The following GPLD1 variants were observed in gnomAD, a reference collection of about 807,000 sequenced individuals.
GPLD1 encodes glycosylphosphatidylinositol specific phospholipase D1, also known as phosphatidylinositol-glycan-specific phospholipase D.
GPLD1 carries 84 observed loss-of-function variants against 112.6 expected under a neutral mutation model. The ratio of observed to expected loss-of-function variants is 0.75; its 90% confidence interval spans 0.63 to 0.89. The LOEUF (loss-of-function observed/expected upper bound fraction) is 0.89, where lower values mean the gene tolerates loss of function less well. Among genes scored for constraint, GPLD1 ranks in the 40% least tolerant of loss-of-function variants. The probability of loss-of-function intolerance (pLI) is 0.00; values close to 1 mark genes in which losing one functional copy is unlikely to be tolerated. For missense variants in GPLD1, 1,044 were observed against 1,051.5 expected, an observed-to-expected ratio of 0.99 and a Z score of 0.10; for synonymous variants, 386 against 403.8, an observed-to-expected ratio of 0.96 and a Z score of 0.53.
At chr6:24,439,342 G>T (rs192668661) in intron 20 of GPLD1, among the ~76,000 whole-genome samples, 1 of 152,312 alleles carries the variant, frequency 6.6e-6, no homozygotes, top group Admixed American at 6.5e-5. Flanking sequence ...GCTGCCCATT[G>T]AGACTGTGTT....
At chr6:24,463,327 G>C (rs1383905614) in intron 10 of GPLD1, among the ~76,000 whole-genome samples, 2 of 152,198 alleles carry the variant, frequency 1.3e-5, no homozygotes, top group Non-Finnish European at 2.9e-5. Flanking sequence ...GAAGCACTGA[G>C]GAAGCAGGTA....
chr6:24,448,808 A>G (rs9467168), intron 15 of GPLD1, among the ~76,000 whole-genome samples: 38,966 of 151,950 alleles, frequency 0.26, 5,227 homozygotes, highest in Non-Finnish European at 0.28. Context: ...GAGGATACAC[A>G]CTGTGCTATT....
chr6:24,472,715 A>C (rs1763864489), intron 6 of GPLD1, 79 bp from the exon 7 acceptor site: 1 of 793,210 alleles, frequency 1.3e-6, no homozygotes, highest in Admixed American at 1.9e-5. Context: ...GAGGTCTGAC[A>C]AGTTGGATTA....
At chr6:24,474,988 C>G in intron 5 of GPLD1, 133 bp downstream of exon 5, 1 of 554,246 alleles carries the variant, frequency 1.8e-6, no homozygotes, top group South Asian at 2.8e-5. Flanking sequence ...AGATGGGACT[C>G]TAACCAAACA....
chr6:24,466,858 AC>A (rs763775627), intron 9 of GPLD1, 39 bp from the exon 10 acceptor site: 4 of 1,591,938 alleles, frequency 2.5e-6, no homozygotes, highest in Non-Finnish European at 3.4e-6. Context: ...TGAATATGGT[AC>A]TATTCCTGGT....
chr6:24,484,725 T>TGCCGTCAAGGTCATCTTC (rs1764315570), intron 2 of GPLD1, among the ~76,000 whole-genome samples: 1 of 152,228 alleles, frequency 6.6e-6, no homozygotes, highest in African/African-American at 2.4e-5. Flanking sequence ...CCTGCCTACT[T>TGCCGTCAAGGTCATCTTC]GCCGTCAAGG....
Position 24,486,137 on chromosome 6 carries a change from G to T in GPLD1, c.98-7C>A, listed in dbSNP as rs758554755. The T allele has an allele frequency of 2.0e-6, 3 of 1,524,152 alleles. No individual in the cohort carries two copies. The highest frequency in any genetic ancestry group is 9.1e-7 in the Non-Finnish European group (1 of 1,102,236). The allele number at this position is 1,524,152 out of a possible 1,614,324, so 94.4% of individuals were successfully genotyped here. A position where few individuals can be genotyped will look rare whatever the true frequency, so the allele number is the denominator to read the frequency against. On this transcript the variant is annotated splice_region_variant and splice_polypyrimidine_tract_variant and intron_variant, in intron 1 of 24. Transcript: ENST00000230036. ...AACTCCAGAGCTCTGTGTCCTGAGAGAAATAAATACATAAATCAATTAAGT... is the reference window on the plus strand; with the variant it reads ...AACTCCAGAGCTCTGTGTCCTGAGATAAATAAATACATAAATCAATTAAGT...
chr6:24,456,396 A>T (rs1352596063), intron 13 of GPLD1, 102 bp downstream of exon 13: 6 of 845,982 alleles, frequency 7.1e-6, no homozygotes, highest in Non-Finnish European at 3.6e-6. Context: ...ACTCTGTCTC[A>T]AAAATAAAAT....
At chr6:24,485,740 G>A (rs1764351935) in intron 2 of GPLD1, among the ~76,000 whole-genome samples, 3 of 150,770 alleles carry the variant, frequency 2.0e-5, no homozygotes, top group Non-Finnish European at 4.4e-5. Flanking sequence ...TGCAATCTCA[G>A]CTCACCACAA....
Position 24,428,623 on chromosome 6 carries a change from T to C in GPLD1, c.*409A>G, listed in dbSNP as rs1762311184. ...TAAAAAAGGATGTTTTTAGGAGGAA[T>C]TGTGTACAGAGACTGTTCTAACAGA... On this transcript the variant is annotated 3_prime_UTR_variant, in exon 25 of 25. Transcript: ENST00000230036. 6.4e-6 allele frequency: 1 copy of C among 156,022 alleles called. No homozygotes were observed. Among genetic ancestry groups the C allele is most frequent in the Non-Finnish European group, 1.4e-5 (1 of 70,752 alleles). The allele number at this position is 156,022 out of a possible 1,614,324, so 9.7% of individuals were successfully genotyped here. A position where few individuals can be genotyped will look rare whatever the true frequency, so the allele number is the denominator to read the frequency against.
chr6:24,461,382 C>T (rs186900952), intron 11 of GPLD1, among the ~76,000 whole-genome samples: 170 of 152,258 alleles, frequency 1.1e-3, no homozygotes, highest in Non-Finnish European at 1.8e-3. Flanking sequence ...ACAACAATGA[C>T]GACTTCACTG....
upstream of GPLD1, among the ~76,000 whole-genome samples, chr6:24,492,642 T>C (rs953355541): frequency 2.0e-5 from 3 of 151,904 alleles, no homozygotes; most frequent in Non-Finnish European, 4.4e-5. Flanking sequence ...AAGAGGTCCC[T>C]CTCACCTGAT....
intron 22 of GPLD1, among the ~76,000 whole-genome samples, chr6:24,434,468 C>T (rs907990199): frequency 4.6e-5 from 7 of 151,832 alleles, no homozygotes; most frequent in East Asian, 1.9e-4. Context: ...AAAATATGCA[C>T]GCACATAGTG....
chr6:24,452,582 C>A (rs184558858), intron 14 of GPLD1, among the ~76,000 whole-genome samples: 2 of 152,198 alleles, frequency 1.3e-5, no homozygotes, highest in African/African-American at 4.8e-5. Flanking sequence ...TCAAGACCAG[C>A]CTTACCAATA....
chr6:24,474,192 CACACACACACACACAT>C (rs905015239), intron 5 of GPLD1, among the ~76,000 whole-genome samples: 3 of 148,326 alleles, frequency 2.0e-5, no homozygotes, highest in East Asian at 2.0e-4. Context: ...CACACACACA[CACACACACACACACAT>C]ATATATGCAG....
rs781438316 is a variant in GPLD1, at chr6:24,447,950, AGGGGAGCC to A, written c.1597_1604del (p.Gly533PhefsTer82). 1 of 1,613,908 alleles carries A rather than the reference AGGGGAGCC, an allele frequency of 6.2e-7. No homozygotes were observed. Among genetic ancestry groups the A allele is most frequent in the Non-Finnish European group, 8.5e-7 (1 of 1,179,980 alleles). On this transcript the variant is annotated frameshift_variant, in exon 17 of 25. Transcript: ENST00000230036. LOFTEE classifies it high-confidence loss of function. ...TCTGCTTCCCTCCACCTGGTGCAAAAGGGGAGCCGATGACCAGATCGGGTTCACTGTCT... is the reference window on the plus strand; with the variant it reads ...TCTGCTTCCCTCCACCTGGTGCAAAAGATGACCAGATCGGGTTCACTGTCT...
chr6:24,457,483 C>T (rs980577629), intron 12 of GPLD1, among the ~76,000 whole-genome samples: 2 of 151,462 alleles, frequency 1.3e-5, no homozygotes, highest in African/African-American at 4.9e-5. Flanking sequence ...TCTGTCTCAA[C>T]AACAAGAAAA....
At chr6:24,467,333 ACAG>A (rs1045498705) in intron 7 of GPLD1, 59 bp from the exon 8 acceptor site, 4 of 911,112 alleles carry the variant, frequency 4.4e-6, no homozygotes, top group Non-Finnish European at 7.3e-6. Context: ...AATAGTAACA[ACAG>A]CAGCAGCAGC....
chr6:24,434,633 C>G (rs1762511300), intron 22 of GPLD1, among the ~76,000 whole-genome samples: 1 of 151,840 alleles, frequency 6.6e-6, no homozygotes, highest in East Asian at 2.0e-4. Flanking sequence ...GTCAGGAGAT[C>G]AAGACCATCG....
Sources: allele counts gnomAD v4.1 joint callset (sites outside exome capture counted in the v4.1 genomes callset), GRCh38; gene constraint gnomAD v4.1.1; transcripts MANE v1.5; gene names NCBI Gene and HGNC (gene_info 2026-07-23, HGNC 2026-07-21).